The following UBE2J2 variants were observed in gnomAD, a reference collection of about 807,000 sequenced individuals.
UBE2J2 encodes the protein ubiquitin-conjugating enzyme E2 J2.
A neutral mutation model predicts 28.6 loss-of-function variants in UBE2J2; 5 were observed. The ratio of observed to expected loss-of-function variants is 0.17; its 90% CI spans 0.09 to 0.37. The LOEUF (loss-of-function observed/expected upper bound fraction) is 0.37, where lower values mean the gene tolerates loss of function less well. UBE2J2 is among the 10% of genes least tolerant of loss of function. UBE2J2 has a pLI of 1.00. For synonymous variants in UBE2J2, 138 were observed against 139.7 expected (o/e 0.99, Z 0.09); for missense variants, 226 against 338.9 (o/e 0.67, Z 2.62).
chr1:1,257,419 T>TC, intron 3 of UBE2J2, 109 bp from the exon 4 acceptor site: 1 of 512,460 alleles, frequency 2.0e-6, no homozygotes, highest in Non-Finnish European at 3.1e-6. Context: ...TCAGCTCGGC[T>TC]CCCGAGTCCT....
intron 1 of UBE2J2, among the ~76,000 whole-genome samples, chr1:1,271,282 CCA>C (rs1380144285): frequency 6.6e-6 from 1 of 152,232 alleles, no homozygotes; most frequent in Non-Finnish European, 1.5e-5. Flanking sequence ...CTGGTGATGG[CCA>C]CAGTGATGAC....
At chr1:1,269,743 CGT>C (rs1640054761) in intron 1 of UBE2J2, among the ~76,000 whole-genome samples, 1 of 152,100 alleles carries the variant, frequency 6.6e-6, no homozygotes. Flanking sequence ...GGATTACAGG[CGT>C]GAGTCCCCGC....
intron 3 of UBE2J2, among the ~76,000 whole-genome samples, chr1:1,260,954 G>A (rs1639523680): frequency 6.6e-6 from 1 of 152,250 alleles, no homozygotes; most frequent in Non-Finnish European, 1.5e-5. Context: ...TGAACTGTCA[G>A]AGTGGGCACG....
chr1:1,269,745 TG>T (rs1640055038), intron 1 of UBE2J2, among the ~76,000 whole-genome samples: 2 of 152,152 alleles, frequency 1.3e-5, no homozygotes, highest in Non-Finnish European at 2.9e-5. Flanking sequence ...ATTACAGGCG[TG>T]AGTCCCCGCG....
rs1639980691 is a variant in UBE2J2 at position 1,268,341 on chromosome 1, G to A, written c.1-349C>T. On this transcript the variant is annotated intron_variant, in intron 1 of 6. Transcript: ENST00000349431. This position sits in a 1 kb window ranked among gnomAD's most constrained non-coding sequence, Gnocchi z 4.7. Reference sequence around the variant, plus strand: ...GGGCCACAGCCTCAGACCAGCTCCTGAGGGCAGCTACTCGCACCTTCCAAC... The same window carrying A: ...GGGCCACAGCCTCAGACCAGCTCCTAAGGGCAGCTACTCGCACCTTCCAAC... Among the ~76,000 whole-genome samples the A allele has an allele frequency of 2.0e-5, 3 of 152,102 alleles. No individual in the cohort carries two copies. The highest frequency in any genetic ancestry group is 4.4e-5 in the Non-Finnish European group (3 of 68,034).
At chr1:1,258,602 G>A (rs528661012) in intron 3 of UBE2J2, among the ~76,000 whole-genome samples, 1 of 152,110 alleles carries the variant, frequency 6.6e-6, no homozygotes, top group Non-Finnish European at 1.5e-5. Flanking sequence ...GCACCCACGG[G>A]CCCTGTGCAC....
chr1:1,270,821 A>G (rs1172870100), intron 1 of UBE2J2, among the ~76,000 whole-genome samples: 1 of 151,910 alleles, frequency 6.6e-6, no homozygotes, highest in East Asian at 1.9e-4. Context: ...AGCCCCAGCC[A>G]GCCCTCCTCA....
In UBE2J2 at chr1:1,273,843, C is replaced by CG. The variant is rs1178641036; in HGVS notation, c.-179dup. 2.6e-5 allele frequency: 4 copies of CG among 153,420 alleles called. No individual in the cohort carries two copies. The highest frequency in any genetic ancestry group is 6.5e-5 in the Admixed American group (1 of 15,278). The allele number at this position is 153,420 out of a possible 1,614,324, so 9.5% of individuals were successfully genotyped here. On this transcript the variant is annotated 5_prime_UTR_variant, in exon 1 of 7. Coordinates refer to ENST00000349431, the MANE Select transcript of UBE2J2 (RefSeq NM_058167.3). The stretch of plus-strand genomic sequence containing the variant: ...CCTCAGCCTCCAAGATGGCCGCTCG[C>CG]GGGGCGGAACCAGCCTAGCTTCTGC...
intron 5 of UBE2J2, 46 bp downstream of exon 5, chr1:1,256,946 C>A (rs760387734): frequency 1.4e-6 from 2 of 1,412,572 alleles, no homozygotes; most frequent in Admixed American, 2.7e-5. Context: ...AACAGCCCCC[C>A]AGACACAAGG....
chr1:1,265,564 CGTGTGTGTGTGT>C (rs112951404), intron 2 of UBE2J2, among the ~76,000 whole-genome samples: 10 of 143,236 alleles, frequency 7.0e-5, no homozygotes, highest in East Asian at 2.1e-4. Flanking sequence ...AGTTTTCTCT[CGTGTGTGTGTGT>C]GTGTGTGTGT....
chr1:1,256,615 G>C (rs1385649029), intron 5 of UBE2J2, among the ~76,000 whole-genome samples: 1 of 152,182 alleles, frequency 6.6e-6, no homozygotes, highest in African/African-American at 2.4e-5. Flanking sequence ...GGGCGCGGTG[G>C]CTCACGCCTG....
intron 2 of UBE2J2, 118 bp downstream of exon 2, chr1:1,267,744 G>A: frequency 6.5e-7 from 1 of 1,549,576 alleles, no homozygotes; most frequent in South Asian, 1.2e-5. Flanking sequence ...CCGGGGGAGG[G>A]TGCAGGAGCA....
At chr1:1,259,687 C>T (rs1639440866) in intron 3 of UBE2J2, among the ~76,000 whole-genome samples, 1 of 152,200 alleles carries the variant, frequency 6.6e-6, no homozygotes, top group Admixed American at 6.5e-5. Flanking sequence ...GACGCCCGCC[C>T]TACGCACTGT....
intron 3 of UBE2J2, among the ~76,000 whole-genome samples, chr1:1,260,277 G>A (rs60397007): frequency 0.034 from 5,190 of 152,352 alleles, 108 homozygotes; most frequent in African/African-American, 0.063. Flanking sequence ...TGGAAAGTGA[G>A]TGAAAGAAAC....
At chr1:1,265,266 G>A in intron 2 of UBE2J2, among the ~76,000 whole-genome samples, 1 of 152,222 alleles carries the variant, frequency 6.6e-6, no homozygotes, top group East Asian at 1.9e-4. Flanking sequence ...GGACCTGCCA[G>A]GGGCTCTCGC....
intron 2 of UBE2J2, chr1:1,266,022 G>A: frequency 7.7e-7 from 1 of 1,292,548 alleles, no homozygotes; most frequent in South Asian, 1.2e-5. Flanking sequence ...GATTTGTGGG[G>A]AGGGATTTCC....
chr1:1,269,667 T>C (rs1640052042), intron 1 of UBE2J2, among the ~76,000 whole-genome samples: 1 of 152,158 alleles, frequency 6.6e-6, no homozygotes, highest in African/African-American at 2.4e-5. Context: ...TTTCACCATG[T>C]TGGTCAGGCT....
rs562704687 is a variant in UBE2J2 at position 1,264,593 on chromosome 1, G to A, written c.132-1207C>T. ...TCGAGACCAGCCTGGTCAACATGGCGAAACTCCGTCTCTACTAAAAATACA... is the reference window on the plus strand; with the variant it reads ...TCGAGACCAGCCTGGTCAACATGGCAAAACTCCGTCTCTACTAAAAATACA... On this transcript the variant is annotated intron_variant, in intron 2 of 6. Transcript: ENST00000349431. 1.1e-3 allele frequency among the ~76,000 whole-genome samples: 175 copies of A among 152,306 alleles called. 3 individuals are homozygous for A. In the South Asian group the frequency reaches 0.033, roughly 28 times the overall value.
intron 2 of UBE2J2, chr1:1,264,713 G>C (rs12118518): frequency 6.6e-6 from 1 of 152,278 alleles, no homozygotes; most frequent in Non-Finnish European, 1.5e-5. Context: ...TTCAACACCA[G>C]CCTGGGCAAC....
Sources: allele counts gnomAD v4.1 joint callset (sites outside exome capture counted in the v4.1 genomes callset), GRCh38; gene constraint gnomAD v4.1.1; non-coding constraint Gnocchi (gnomAD v3.1); transcripts MANE v1.5; gene names NCBI Gene and HGNC (gene_info 2026-07-23, HGNC 2026-07-21).